The following SEPTIN4 variants were observed in gnomAD, a reference collection of about 807,000 sequenced individuals.
SEPTIN4 encodes septin-4.
In SEPTIN4, 52 loss-of-function variants were observed where a neutral mutation model predicts 107.1. The ratio of observed to expected loss-of-function variants is 0.49; its 90% confidence interval spans 0.39 to 0.61. The LOEUF is 0.61. SEPTIN4 is among the 20% of genes least tolerant of loss of function. SEPTIN4 has a pLI of 0.00. For synonymous variants in SEPTIN4, 417 were observed against 467.0 expected, an observed-to-expected ratio of 0.89 and a Z score of 1.38; for missense variants, 1,048 against 1,243.5, an observed-to-expected ratio of 0.84 and a Z score of 2.36.
Position 58,525,168 on chromosome 17 carries a change from T to C in SEPTIN4, c.2126A>G (p.His709Arg), listed in dbSNP as rs772720040. ...ACCCTTCTCTTCTATGTCCACTGCA[T>C]GCTTAGTGATCTCCACAGTTTGCAT... ...RIMQTVEITK[H>R]AVDIEEKGVR... The change falls in exon 7 of 14, where the codon CAT becomes CGT. Residue 709 changes from histidine to arginine, a missense_variant. By Grantham distance (29) the His-to-Arg change is conservative (BLOSUM62 0). Coordinates refer to ENST00000672673, the MANE Select transcript of SEPTIN4 (RefSeq NM_001368771.2). 1 of 1,614,202 alleles carries C rather than the reference T, an allele frequency of 6.2e-7. No individual in the cohort carries two copies. Among genetic ancestry groups the C allele is most frequent in the Admixed American group, 1.7e-5 (1 of 60,032 alleles).
At position 58,521,463 on chromosome 17, in the gene SEPTIN4, G is replaced by C; in HGVS notation, c.2571+82C>G. ...GGAAGCCAGGGTCCTTTCCCACCCTGATAGCCTGAATATAGAATTCTACTC... is the reference window on the plus strand; with the variant it reads ...GGAAGCCAGGGTCCTTTCCCACCCTCATAGCCTGAATATAGAATTCTACTC... On this transcript the variant is annotated intron_variant, in intron 10 of 13. Transcript: ENST00000672673. The surrounding 1 kb of genome is among the most constrained non-coding windows in gnomAD (Gnocchi z 6.4). 1.3e-6 allele frequency: 2 copies of C among 1,570,224 alleles called. No individual in the cohort carries two copies. The highest frequency in any genetic ancestry group is 3.3e-5 in the Admixed American group (2 of 59,708).
Position 58,526,990 on chromosome 17 carries a change from G to T in SEPTIN4, c.1615-12C>A, listed in dbSNP as rs201763239. On this transcript the variant is annotated splice_polypyrimidine_tract_variant and intron_variant, in intron 3 of 13. Coordinates refer to ENST00000672673, the MANE Select transcript of SEPTIN4 (RefSeq NM_001368771.2). ...AGGAAACGCTTGATCTGGGGGAAGC[G>T]GGGTGGGTAGAATAGATGGGTGGTG... is the stretch of plus-strand genomic sequence containing the variant. The T allele has an allele frequency of 1.2e-6, 2 of 1,613,786 alleles. No homozygotes were observed. Among genetic ancestry groups the T allele is most frequent in the Non-Finnish European group, 1.7e-6 (2 of 1,179,994 alleles).
rs141477093 is a variant in SEPTIN4, at chr17:58,521,917, T to C, written c.2351+50A>G. On this transcript the variant is annotated intron_variant, in intron 8 of 13. Transcript: ENST00000672673. The surrounding 1 kb of genome is among the most constrained non-coding windows in gnomAD (Gnocchi z 6.4). ...CCCTGCCCCTGGTGCTCTTGGCCTG[T>C]TCCCTTGACAGCACCCGGTGGTGCC... The C allele has an allele frequency of 2.9e-4, 466 of 1,614,238 alleles. 1 individual carries two copies. The highest frequency in any genetic ancestry group is 6.6e-4 in the Middle Eastern group (4 of 6,058).
In SEPTIN4 at chr17:58,543,833, G is replaced by T; in HGVS notation, c.354C>A (p.Ser118Arg). 3 of 1,614,158 alleles carry T rather than the reference G, an allele frequency of 1.9e-6. No homozygotes were observed. The South Asian group carries it at 3.3e-5, about 18-fold the overall frequency. ...KTQTLASHAS[S>R]RQWKVSPPRE... ...TGGGTGGACTAACTTTCCATTGTCT[G>T]CTTGAAGCATGGGAAGCCAGTGTCT... The change falls in exon 1 of 14, where the codon AGC becomes AGA. Residue 118 changes from serine (S) to arginine (R), a missense_variant. By Grantham distance (110) the Ser-to-Arg change is moderately radical. Transcript: ENST00000672673.
At position 58,520,995 on chromosome 17, in the gene SEPTIN4, T is replaced by C; in HGVS notation, c.2831+3A>G. The C allele has an allele frequency of 6.2e-7, 1 of 1,613,988 alleles. No individual in the cohort carries two copies. The highest frequency in any genetic ancestry group is 1.3e-5 in the African/African-American group (1 of 75,052). ...CCAGCTTTGTCCTGGCTTCTGGTCA[T>C]ACTTGCGATTCCGTTCCTTCACCAC... On this transcript the variant is annotated splice_donor_region_variant and intron_variant, in intron 12 of 13. Coordinates refer to ENST00000672673, the MANE Select transcript of SEPTIN4 (RefSeq NM_001368771.2).
At chr17:58,524,848 A>G (rs750822139) in intron 7 of SEPTIN4, 9 of 534,644 alleles carry the variant, frequency 1.7e-5, no homozygotes, top group Middle Eastern at 5.4e-4. Flanking sequence ...TCCCTACCCC[A>G]TTATAGAATC....
At chr17:58,526,158 G>GAC (rs2042841760) in intron 5 of SEPTIN4, 62 bp downstream of exon 5, 3 of 1,500,480 alleles carry the variant, frequency 2.0e-6, no homozygotes, top group African/African-American at 1.4e-5. Context: ...CCCACTCACG[G>GAC]ACACACACAC....
intron 6 of SEPTIN4, 105 bp from the exon 7 acceptor site, chr17:58,525,306 C>T: frequency 7.3e-7 from 1 of 1,377,952 alleles, no homozygotes; most frequent in Non-Finnish European, 1.0e-6. Context: ...CTAATCCACA[C>T]TGCCCCCTTC....
At position 58,544,181 on chromosome 17, in the gene SEPTIN4, G is replaced by T; in HGVS notation, c.6C>A (p.Val2=). 6.2e-7 allele frequency: 1 copy of T among 1,609,780 alleles called. No individual in the cohort carries two copies. The highest frequency in any genetic ancestry group is 1.1e-5 in the South Asian group (1 of 90,602). M[V]KTNKPGAKVA... is the part of the protein sequence containing the mutation. ...CCTTGGCCCCAGGTTTATTTGTCTTGACCATCTGATAGATTGTGCCCTTCT... is the reference window on the plus strand; with the variant it reads ...CCTTGGCCCCAGGTTTATTTGTCTTTACCATCTGATAGATTGTGCCCTTCT... The change falls in exon 1 of 14, where the codon GTC becomes GTA. Residue 2 remains valine (V), a synonymous_variant. Coordinates refer to ENST00000672673, the MANE Select transcript of SEPTIN4 (RefSeq NM_001368771.2).
rs752595118 is a variant in SEPTIN4 at position 58,520,799 on chromosome 17, C to T, written c.2875G>A (p.Val959Ile). The change falls in exon 13 of 14, where the codon GTC (valine) becomes ATC (isoleucine). Residue 959 changes from valine (V) to isoleucine (I), a missense_variant. Around this residue, in one of 2 missense-constraint regions of SEPTIN4, gnomAD observed 261 missense variants for 371.7 expected, o/e 0.70. Coordinates refer to ENST00000672673, the MANE Select transcript of SEPTIN4 (RefSeq NM_001368771.2). ...ESGTDFPIPA[V>I]PPGTDPETEK... ...GTTTCTGGATCTGTCCCTGGTGGGA[C>T]AGCAGGGATGGGGAAGTCGGTACCA... The T allele has an allele frequency of 3.1e-6, 5 of 1,614,098 alleles. No individual in the cohort carries two copies. The highest frequency in any genetic ancestry group is 1.7e-5 in the Admixed American group (1 of 60,008).
At chr17:58,527,030 G>A (rs756344875) in intron 3 of SEPTIN4, 52 bp from the exon 4 acceptor site, 21 of 1,612,826 alleles carry the variant, frequency 1.3e-5, no homozygotes, top group Middle Eastern at 1.6e-4. Context: ...GAAGGGAGCC[G>A]GAAGGGAAGA....
chr17:58,520,451 T>A lies in SEPTIN4; in HGVS notation c.2966A>T (p.Gln989Leu). The A allele has an allele frequency of 6.2e-7, 1 of 1,613,480 alleles. No individual in the cohort carries two copies. The highest frequency in any genetic ancestry group is 1.3e-5 in the African/African-American group (1 of 75,034). ...TTAATAGTTCTCCTTCATCTGTTTT[T>A]GTATTTTGTGTAGCATCTCCTGCAT... Reference protein sequence around the residue: ...RRMQEMLHKIQKQMKENY With the variant: ...RRMQEMLHKILKQMKENY Residue 989 changes from glutamine to leucine, a missense_variant, in exon 14 of 14, where the codon CAA (glutamine) becomes CTA (leucine). Around this residue, in one of 2 missense-constraint regions of SEPTIN4, gnomAD observed 261 missense variants for 371.7 expected, o/e 0.70. Coordinates refer to ENST00000672673, the MANE Select transcript of SEPTIN4 (RefSeq NM_001368771.2).
At chr17:58,539,287 A>C in intron 3 of SEPTIN4, 1 of 866,504 alleles carries the variant, frequency 1.2e-6, no homozygotes, top group Non-Finnish European at 1.7e-6. Context: ...TCCTAAACTA[A>C]AACAAGATGC....
chr17:58,525,721 C>T lies in SEPTIN4; in HGVS notation c.2066G>A (p.Arg689Gln), dbSNP rs544250413. 1,238 of 1,614,116 alleles carry T rather than the reference C, an allele frequency of 7.7e-4. 14 individuals are homozygous for T. The South Asian group carries it at 0.013, about 17-fold the overall frequency. ...TTCAGCACCAAGAAGTTTCCGGTCC[C>T]GGTACAGATCAGTGAGGAAGAGGCT... is the stretch of plus-strand genomic sequence containing the variant. ...VNSLFLTDLY[R>Q]DRKLLGAEER... The change falls in exon 6 of 14, where the codon CGG becomes CAG. Residue 689 changes from arginine to glutamine, a missense_variant. Transcript: ENST00000672673.
intron 3 of SEPTIN4, chr17:58,529,544 GC>G (rs1345618365): frequency 1.7e-6 from 1 of 600,868 alleles, no homozygotes; most frequent in Non-Finnish European, 2.1e-6. Context: ...TTGCAGCCAG[GC>G]TTTTGATCCA....
Position 58,543,079 on chromosome 17 carries a change from G to A in SEPTIN4, c.1108C>T (p.Pro370Ser). 2 of 1,612,870 alleles carry A rather than the reference G, an allele frequency of 1.2e-6. No homozygotes were observed. Among genetic ancestry groups the A allele is most frequent in the Non-Finnish European group, 1.7e-6 (2 of 1,179,400 alleles). Residue 370 changes from proline (P) to serine (S), a missense_variant, in exon 1 of 14, where the codon CCC (proline) becomes TCC (serine). This residue lies in a region of SEPTIN4 where 787 missense variants were observed against 871.8 expected (regional missense o/e 0.90). Coordinates refer to ENST00000672673, the MANE Select transcript of SEPTIN4 (RefSeq NM_001368771.2). The stretch of plus-strand genomic sequence containing the variant: ...TTTTGGGTTTGCTGTTTATAGATGG[G>A]CTCTGGAGTAACAAACATGGATGAC... ...HKSSMFVTPE[P>S]IYKQQTQKPP...
chr17:58,540,608 T>G, intron 3 of SEPTIN4, 58 bp downstream of exon 3: 1 of 1,283,824 alleles, frequency 7.8e-7, no homozygotes, highest in Non-Finnish European at 1.0e-6. Flanking sequence ...AGGAGATGGA[T>G]TTGGATTGTG....
At chr17:58,542,016 A>G in intron 1 of SEPTIN4, 50 bp from the exon 2 acceptor site, 1 of 1,589,934 alleles carries the variant, frequency 6.3e-7, no homozygotes, top group African/African-American at 1.3e-5. Flanking sequence ...TGGGATGCAC[A>G]TCCCACTCTC....
At chr17:58,527,367 A>AT in intron 3 of SEPTIN4, 1 of 389,166 alleles carries the variant, frequency 2.6e-6, no homozygotes, top group Non-Finnish European at 4.9e-6. Context: ...GGCCAGACTG[A>AT]TTAAGATAGA....
Sources: allele counts gnomAD v4.1 joint callset, GRCh38; gene constraint gnomAD v4.1.1; regional missense constraint gnomAD v4.1.1; non-coding constraint Gnocchi (gnomAD v3.1); transcripts MANE v1.5; gene names NCBI Gene and HGNC (gene_info 2026-07-23, HGNC 2026-07-21).